The following RNGTT variants were observed in gnomAD, a reference collection of about 807,000 sequenced individuals.
RNGTT encodes RNA guanylyltransferase and 5'-phosphatase.
A neutral mutation model predicts 79.3 loss-of-function variants in RNGTT; 33 were observed. The ratio of observed to expected loss-of-function variants is 0.42; its 90% CI spans 0.32 to 0.56. RNGTT has a LOEUF of 0.56. RNGTT is among the 20% of genes least tolerant of loss of function. RNGTT has a pLI of 0.17. For synonymous variants in RNGTT, 222 were observed against 235.9 expected (o/e 0.94, Z 0.54); for missense variants, 497 against 739.1 (o/e 0.67, Z 3.80).
At chr6:88,629,534 A>T (rs1772764447) in intron 14 of RNGTT, among the ~76,000 whole-genome samples, 1 of 151,996 alleles carries the variant, frequency 6.6e-6, no homozygotes, top group Admixed American at 6.6e-5. Context: ...CACTTCCTAT[A>T]TTTCCTTAGG....
intron 13 of RNGTT, among the ~76,000 whole-genome samples, chr6:88,760,873 ATTTTT>A (rs34821654): frequency 7.0e-6 from 1 of 143,194 alleles, no homozygotes; most frequent in African/African-American, 2.6e-5. Flanking sequence ...TGAGAAAACG[ATTTTT>A]TTTTTTTTTT....
intron 11 of RNGTT, among the ~76,000 whole-genome samples, chr6:88,828,632 G>T (rs1780748602): frequency 6.6e-6 from 1 of 151,988 alleles, no homozygotes; most frequent in Admixed American, 6.6e-5. Flanking sequence ...ATGCGAATCT[G>T]AGAACCTTGA....
At chr6:88,747,196 T>C (rs191499981) in intron 13 of RNGTT, among the ~76,000 whole-genome samples, 5 of 152,282 alleles carry the variant, frequency 3.3e-5, no homozygotes, top group Non-Finnish European at 7.3e-5. Flanking sequence ...GGCATCAAAA[T>C]TTGAAAGAAG....
intron 14 of RNGTT, among the ~76,000 whole-genome samples, chr6:88,666,307 G>A (rs1774405770): frequency 6.6e-6 from 1 of 152,236 alleles, no homozygotes; most frequent in African/African-American, 2.4e-5. Context: ...TAAGGCCGTG[G>A]CTGAGGCCTG....
intron 11 of RNGTT, among the ~76,000 whole-genome samples, chr6:88,840,979 A>C (rs1781267783): frequency 6.6e-6 from 1 of 152,224 alleles, no homozygotes; most frequent in South Asian, 2.1e-4. Flanking sequence ...TTCATTTTTT[A>C]AAAATGAACA....
intron 14 of RNGTT, among the ~76,000 whole-genome samples, chr6:88,630,738 C>T (rs976475335): frequency 1.3e-5 from 2 of 151,410 alleles, no homozygotes; most frequent in African/African-American, 4.9e-5. Context: ...AACTTTAATC[C>T]GACATGATAA....
At chr6:88,863,608 AT>A (rs764015114) in intron 8 of RNGTT, among the ~76,000 whole-genome samples, 2 of 152,132 alleles carry the variant, frequency 1.3e-5, no homozygotes, top group African/African-American at 2.4e-5. Flanking sequence ...AACCATCAAG[AT>A]TTAGAGTCTT....
intron 11 of RNGTT, among the ~76,000 whole-genome samples, chr6:88,835,873 G>A (rs745985074): frequency 2.6e-5 from 4 of 151,384 alleles, no homozygotes; most frequent in Admixed American, 6.6e-5. Context: ...AGTGGTATAC[G>A]CCTGCAGCTC....
chr6:88,789,759 T>C (rs1344236959), intron 12 of RNGTT, among the ~76,000 whole-genome samples: 1 of 152,216 alleles, frequency 6.6e-6, no homozygotes, highest in Non-Finnish European at 1.5e-5. Flanking sequence ...ATCCTCATCA[T>C]CTTTTGCCAT....
At chr6:88,766,129 C>A (rs1778452243) in intron 13 of RNGTT, among the ~76,000 whole-genome samples, 1 of 152,056 alleles carries the variant, frequency 6.6e-6, no homozygotes, top group South Asian at 2.1e-4. Context: ...CTTATTTAAT[C>A]CTTACAGACG....
chr6:88,806,411 G>A (rs369235644), intron 11 of RNGTT, among the ~76,000 whole-genome samples: 17 of 149,746 alleles, frequency 1.1e-4, no homozygotes, highest in South Asian at 4.2e-4. Flanking sequence ...TCTGCTTCCC[G>A]GGTTCAAGAG....
intron 13 of RNGTT, among the ~76,000 whole-genome samples, chr6:88,688,764 C>A (rs1300921737): frequency 6.6e-6 from 1 of 152,142 alleles, no homozygotes; most frequent in Non-Finnish European, 1.5e-5. Flanking sequence ...CCACGTAGGT[C>A]CACTTATACG....
chr6:88,843,015 T>C (rs1781348731), intron 11 of RNGTT, among the ~76,000 whole-genome samples: 2 of 151,948 alleles, frequency 1.3e-5, no homozygotes, highest in South Asian at 4.1e-4. Flanking sequence ...GTCAAGGCTG[T>C]GGTGAGCCGA....
intron 14 of RNGTT, among the ~76,000 whole-genome samples, chr6:88,643,464 A>T (rs946309997): frequency 6.6e-6 from 1 of 152,186 alleles, no homozygotes; most frequent in African/African-American, 2.4e-5. Context: ...GTTAACAAGG[A>T]TGTCCAGGAA....
chr6:88,671,030 C>A (rs1288072127), intron 14 of RNGTT, among the ~76,000 whole-genome samples: 1 of 152,166 alleles, frequency 6.6e-6, no homozygotes, highest in Non-Finnish European at 1.5e-5. Context: ...AACATTCCCC[C>A]TGAGAACTGG....
At chr6:88,704,747 C>A (rs1286375503) in intron 13 of RNGTT, among the ~76,000 whole-genome samples, 3 of 152,122 alleles carry the variant, frequency 2.0e-5, no homozygotes, top group Non-Finnish European at 4.4e-5. Context: ...TCAACATGGT[C>A]TGCTTCTCAA....
At chr6:88,750,463 G>C (rs966685790) in intron 13 of RNGTT, among the ~76,000 whole-genome samples, 5 of 152,076 alleles carry the variant, frequency 3.3e-5, no homozygotes, top group Non-Finnish European at 7.4e-5. Flanking sequence ...GTCAGGTGAG[G>C]GAGGCAAAGA....
chr6:88,677,329 A>AG (rs139757242), intron 14 of RNGTT, among the ~76,000 whole-genome samples: 3,564 of 151,506 alleles, frequency 0.024, 134 homozygotes, highest in African/African-American at 0.082. Context: ...GAAATTTCAA[A>AG]GGGGCACAAG....
intron 14 of RNGTT, among the ~76,000 whole-genome samples, chr6:88,630,614 C>T (rs892857747): frequency 6.6e-6 from 1 of 152,084 alleles, no homozygotes; most frequent in African/African-American, 2.4e-5. Context: ...TTAAATTAAT[C>T]CTGATATATG....
Sources: gnomAD v4.1 joint callset for allele counts (sites outside exome capture counted in the v4.1 genomes callset) on GRCh38, gnomAD v4.1.1 for gene constraint, MANE v1.5 for transcripts, NCBI Gene and HGNC (gene_info 2026-07-23, HGNC 2026-07-21) for gene names.